Variants in ADAMTS17 observed in about 807,000 individuals in gnomAD.
The protein encoded by ADAMTS17 is A disintegrin and metalloproteinase with thrombospondin motifs 17.
A neutral mutation model predicts 141.5 loss-of-function variants in ADAMTS17; 113 were observed. The ratio of observed to expected loss-of-function variants is 0.80; its 90% CI spans 0.69 to 0.93. The LOEUF (loss-of-function observed/expected upper bound fraction) is 0.93. ADAMTS17 is among the 40% of genes least tolerant of loss of function. The probability of loss-of-function intolerance (pLI) is 0.00; values close to 1 mark genes in which losing one functional copy is unlikely to be tolerated. For missense variants in ADAMTS17, 1,659 were observed against 1,517.9 expected, an observed-to-expected ratio of 1.09 and a Z score of -1.54; for synonymous variants, 768 against 630.6, an observed-to-expected ratio of 1.22 and a Z score of -3.27.
At chr15:100,235,897 G>A (rs993791878) in intron 7 of ADAMTS17, among the ~76,000 whole-genome samples, 2 of 152,148 alleles carry the variant, frequency 1.3e-5, no homozygotes, top group Non-Finnish European at 2.9e-5. Flanking sequence ...ACTCAAGGTA[G>A]CAGAGCTGGG....
chr15:100,302,206 T>C (rs1362029630), intron 3 of ADAMTS17, among the ~76,000 whole-genome samples: 3 of 152,246 alleles, frequency 2.0e-5, no homozygotes, highest in Admixed American at 1.3e-4. Flanking sequence ...TTCACTTTCA[T>C]GTTCAAGGTT....
At chr15:100,271,365 T>C (rs2043904292) in intron 4 of ADAMTS17, among the ~76,000 whole-genome samples, 1 of 152,244 alleles carries the variant, frequency 6.6e-6, no homozygotes, top group Admixed American at 6.5e-5. Context: ...ATTTCCCATT[T>C]TTCCGCATCA....
chr15:100,051,516 T>C (rs2032142373), intron 17 of ADAMTS17, 56 bp downstream of exon 17: 1 of 1,610,908 alleles, frequency 6.2e-7, no homozygotes. Flanking sequence ...CAGATGCCTT[T>C]CTCCTTCCTT....
chr15:100,324,664 A>G (rs1471820011), intron 3 of ADAMTS17, among the ~76,000 whole-genome samples: 1 of 152,198 alleles, frequency 6.6e-6, no homozygotes, highest in African/African-American at 2.4e-5. Context: ...TGGCAGATTC[A>G]AGAATACTAA....
At chr15:100,226,049 A>G (rs1419347070) in intron 7 of ADAMTS17, among the ~76,000 whole-genome samples, 2 of 137,350 alleles carry the variant, frequency 1.5e-5, no homozygotes, top group Admixed American at 7.5e-5. Context: ...GTGCCCATTC[A>G]GTCCTTACAG....
intron 7 of ADAMTS17, among the ~76,000 whole-genome samples, chr15:100,240,679 G>C (rs1350976960): frequency 6.6e-6 from 1 of 152,168 alleles, no homozygotes; most frequent in Non-Finnish European, 1.5e-5. Context: ...CCAGAACTCA[G>C]TCCTTTTCTT....
At chr15:100,267,994 T>G (rs1050560932) in intron 4 of ADAMTS17, among the ~76,000 whole-genome samples, 5 of 152,230 alleles carry the variant, frequency 3.3e-5, no homozygotes, top group African/African-American at 1.2e-4. Flanking sequence ...TGTTGCCATC[T>G]TTATATCCAC....
At chr15:100,027,425 C>T (rs544280276) in intron 18 of ADAMTS17, among the ~76,000 whole-genome samples, 17 of 152,314 alleles carry the variant, frequency 1.1e-4, no homozygotes, top group South Asian at 6.2e-4. Flanking sequence ...GCCCTTTTAC[C>T]GCTGACCCTA....
chr15:100,103,260 T>A (rs2036227178), intron 14 of ADAMTS17, among the ~76,000 whole-genome samples: 1 of 152,198 alleles, frequency 6.6e-6, no homozygotes. Context: ...ACGTTAGAGA[T>A]GCCAGCTGCA....
chr15:100,211,143 A>AAATAAATAAAT (rs2041794951), intron 7 of ADAMTS17, among the ~76,000 whole-genome samples: 1 of 101,276 alleles, frequency 9.9e-6, no homozygotes, highest in Non-Finnish European at 2.5e-5. Context: ...AATAAATAAA[A>AAATAAATAAAT]ATACAAAAAT....
intron 7 of ADAMTS17, among the ~76,000 whole-genome samples, chr15:100,214,491 T>C (rs1028480653): frequency 1.3e-5 from 2 of 149,114 alleles, no homozygotes. Flanking sequence ...TATGTAATTG[T>C]GGTAATTATG....
intron 3 of ADAMTS17, among the ~76,000 whole-genome samples, chr15:100,326,862 T>A (rs1469146394): frequency 6.6e-6 from 1 of 152,174 alleles, no homozygotes; most frequent in East Asian, 1.9e-4. Context: ...CGGAGCCAGG[T>A]GAGGACAGAG....
intron 8 of ADAMTS17, among the ~76,000 whole-genome samples, chr15:100,189,230 T>C (rs1346531914): frequency 6.6e-6 from 1 of 152,250 alleles, no homozygotes; most frequent in African/African-American, 2.4e-5. Context: ...CTCTGCCAGA[T>C]TCTGAACTAG....
chr15:100,305,187 A>G (rs1210623408), intron 3 of ADAMTS17, among the ~76,000 whole-genome samples: 1 of 151,580 alleles, frequency 6.6e-6, no homozygotes, highest in Non-Finnish European at 1.5e-5. Context: ...GGTCAACTAT[A>G]GAAAAAAAAA....
At chr15:100,294,027 T>G (rs1273603188) in intron 3 of ADAMTS17, among the ~76,000 whole-genome samples, 1 of 152,120 alleles carries the variant, frequency 6.6e-6, no homozygotes, top group Non-Finnish European at 1.5e-5. Flanking sequence ...GTGGGTGAGT[T>G]TCCTTGTCTA....
At chr15:100,043,106 G>A (rs1662525150) in intron 18 of ADAMTS17, among the ~76,000 whole-genome samples, 1 of 152,152 alleles carries the variant, frequency 6.6e-6, no homozygotes, top group Admixed American at 6.5e-5. Context: ...GATGAGTCAT[G>A]GCACTCGCAT....
intron 9 of ADAMTS17, 57 bp downstream of exon 9, chr15:100,155,123 T>G (rs1389616798): frequency 2.5e-6 from 4 of 1,612,520 alleles, no homozygotes; most frequent in East Asian, 4.5e-5. Context: ...CCAATACTTT[T>G]GTCTTTTGGA....
At chr15:100,063,889 A>G (rs1461835128) in intron 15 of ADAMTS17, 3 of 533,778 alleles carry the variant, frequency 5.6e-6, no homozygotes, top group Non-Finnish European at 6.4e-6. Flanking sequence ...CTGGCGCAGA[A>G]GAAGGAGGCT....
At chr15:100,144,707 A>C (rs1454001167) in intron 10 of ADAMTS17, among the ~76,000 whole-genome samples, 1 of 152,048 alleles carries the variant, frequency 6.6e-6, no homozygotes, top group African/African-American at 2.4e-5. Context: ...ATCCTGGTTC[A>C]CCAATTCTTT....
Sources: allele counts gnomAD v4.1 joint callset (sites outside exome capture counted in the v4.1 genomes callset), GRCh38; gene constraint gnomAD v4.1.1; transcripts MANE v1.5; gene names NCBI Gene and HGNC (gene_info 2026-07-23, HGNC 2026-07-21).